MTMR14: variants seen among roughly 807,000 people sequenced by gnomAD.
MTMR14 encodes the protein myotubularin related protein 14, also known as phosphatidylinositol-3,5-bisphosphate 3-phosphatase MTMR14.
MTMR14 carries 48 observed loss-of-function variants against 86.3 expected under a neutral mutation model. The observed-to-expected ratio is 0.56, with a 90% CI of 0.44 to 0.71. MTMR14 has a LOEUF of 0.71. MTMR14 is among the 30% of genes least tolerant of loss of function. The probability of loss-of-function intolerance (pLI) is 0.00; values close to 1 mark genes in which losing one functional copy is unlikely to be tolerated. For synonymous variants in MTMR14, 366 were observed against 326.1 expected, an observed-to-expected ratio of 1.12 and a Z score of -1.32; for missense variants, 780 against 834.6, an observed-to-expected ratio of 0.93 and a Z score of 0.81.
intron 9 of MTMR14, among the ~76,000 whole-genome samples, chr3:9,678,415 G>A (rs2075653474): frequency 6.6e-6 from 1 of 152,168 alleles, no homozygotes; most frequent in Admixed American, 6.5e-5. Context: ...GAAGTACAGA[G>A]CTGCCTGACC....
chr3:9,681,754 T>G (rs2075775745), intron 9 of MTMR14, among the ~76,000 whole-genome samples: 1 of 152,220 alleles, frequency 6.6e-6, no homozygotes, highest in Non-Finnish European at 1.5e-5. Context: ...TTCTGCTTCT[T>G]ACTCTGGTGT....
At chr3:9,657,098 A>G (rs1027797808) in intron 2 of MTMR14, among the ~76,000 whole-genome samples, 13 of 151,882 alleles carry the variant, frequency 8.6e-5, no homozygotes, top group African/African-American at 1.9e-4. Flanking sequence ...AATTTTTAGT[A>G]GAGACCAGGT....
chr3:9,671,209 T>C (rs774146862), intron 6 of MTMR14, 39 bp downstream of exon 6: 30 of 1,613,810 alleles, frequency 1.9e-5, no homozygotes, highest in Non-Finnish European at 2.5e-5. Flanking sequence ...GCAGAGGCAG[T>C]GTGTACAGAT....
chr3:9,683,797 C>T (rs1437109399), intron 10 of MTMR14: 1 of 157,022 alleles, frequency 6.4e-6, no homozygotes, highest in Non-Finnish European at 1.4e-5. Context: ...CAAGAAGGCC[C>T]AAGAACAGAG....
At chr3:9,696,704 C>T (rs1442721475) in intron 17 of MTMR14, among the ~76,000 whole-genome samples, 1 of 152,220 alleles carries the variant, frequency 6.6e-6, no homozygotes, top group Non-Finnish European at 1.5e-5. Context: ...GAGCCCTTGA[C>T]ATCAGCCAGC....
chr3:9,650,725 T>G (rs1382261535), intron 1 of MTMR14, among the ~76,000 whole-genome samples: 1 of 152,126 alleles, frequency 6.6e-6, no homozygotes, highest in East Asian at 1.9e-4. Context: ...AAACAGAGAT[T>G]CCTTAGTCCC....
chr3:9,691,525 C>T (rs536272460), intron 17 of MTMR14, among the ~76,000 whole-genome samples: 1 of 152,194 alleles, frequency 6.6e-6, no homozygotes, highest in South Asian at 2.1e-4. Context: ...AGGGAGGAAA[C>T]CAGAGGTTCC....
chr3:9,673,093 G>C (rs2048661881), intron 7 of MTMR14, among the ~76,000 whole-genome samples: 1 of 152,234 alleles, frequency 6.6e-6, no homozygotes, highest in South Asian at 2.1e-4. Context: ...AAAGTGGTCT[G>C]TGCATGAAAA....
chr3:9,689,795 A>G (rs574024313), intron 16 of MTMR14, among the ~76,000 whole-genome samples, 169 bp from the exon 17 acceptor site: 1 of 152,222 alleles, frequency 6.6e-6, no homozygotes, highest in Non-Finnish European at 1.5e-5. Flanking sequence ...CTCCATAAAG[A>G]CCCAGCCCTG....
Position 9,662,631 on chromosome 3 carries a change from AT to A in MTMR14, c.417+259del, listed in dbSNP as rs544958279. ...TGCCTAGGTTCAGATCCTGACTCTT[AT>A]TTCCTGCCTATGCAGAGCCTCCTTT... On this transcript the variant is annotated intron_variant, in intron 3 of 18. Transcript: ENST00000296003. Among the ~76,000 whole-genome samples the A allele has an allele frequency of 2.0e-3, 304 of 152,234 alleles. 2 individuals carry two copies. The highest frequency in any genetic ancestry group is 3.4e-3 in the Middle Eastern group (1 of 294).
At chr3:9,649,863 G>T in intron 1 of MTMR14, 121 bp downstream of exon 1, 1 of 1,545,292 alleles carries the variant, frequency 6.5e-7, no homozygotes, top group Non-Finnish European at 8.7e-7. Flanking sequence ...GAAGAGGAGA[G>T]AGAGAGAGGA....
intron 13 of MTMR14, 66 bp from the exon 14 acceptor site, chr3:9,687,755 G>T (rs967213689): frequency 7.1e-7 from 1 of 1,408,968 alleles, no homozygotes; most frequent in Admixed American, 2.0e-5. Context: ...GTGGCTGGCC[G>T]CCCTCCCCTG....
chr3:9,684,699 CTGCTCTT>C, intron 11 of MTMR14, 29 bp downstream of exon 11: 1 of 1,612,316 alleles, frequency 6.2e-7, no homozygotes, highest in Non-Finnish European at 8.5e-7. Flanking sequence ...CTACCAAGCT[CTGCTCTT>C]TGGGTGTGTT....
chr3:9,688,702 G>T lies in MTMR14; in HGVS notation c.1242G>T (p.Lys414Asn), dbSNP rs752860539. 2 of 1,614,198 alleles carry T rather than the reference G, an allele frequency of 1.2e-6. No homozygotes were observed. Among genetic ancestry groups the T allele is most frequent in the Admixed American group, 1.7e-5 (1 of 60,034 alleles). ...EFSALKTQRR[K>N]SLPARDGGFT... The stretch of plus-strand genomic sequence containing the variant: ...CTCCGGCTTCCATTTCTAGGAGGAA[G>T]AGTTTGCCAGCCCGGGATGGAGGCT... The change falls in exon 15 of 19, where the codon AAG becomes AAT. Residue 414 changes from lysine (K) to asparagine (N), a missense_variant. Coordinates refer to ENST00000296003, the MANE Select transcript of MTMR14 (RefSeq NM_001077525.3).
chr3:9,688,568 G>C (rs1267255630), intron 14 of MTMR14, 128 bp from the exon 15 acceptor site: 1 of 1,040,856 alleles, frequency 9.6e-7, no homozygotes, highest in Non-Finnish European at 1.5e-6. Context: ...ACACTCCCTA[G>C]GCTAGGACCC....
intron 17 of MTMR14, among the ~76,000 whole-genome samples, chr3:9,695,610 T>C (rs938449905): frequency 6.6e-6 from 1 of 152,196 alleles, no homozygotes; most frequent in African/African-American, 2.4e-5. Context: ...CTCCATCCCA[T>C]TGGTCATGTT....
chr3:9,680,432 C>A (rs1420225601), intron 9 of MTMR14, among the ~76,000 whole-genome samples: 1 of 152,192 alleles, frequency 6.6e-6, no homozygotes, highest in East Asian at 1.9e-4. Context: ...CACTGTCACC[C>A]CTGCCTTAAA....
intron 17 of MTMR14, 143 bp from the exon 18 acceptor site, chr3:9,697,568 C>G: frequency 1.2e-6 from 1 of 801,804 alleles, no homozygotes; most frequent in East Asian, 3.2e-5. Context: ...ACTTGTCCAG[C>G]TTTTTTTTTT....
intron 17 of MTMR14, among the ~76,000 whole-genome samples, chr3:9,690,770 A>G (rs527731419): frequency 6.0e-4 from 92 of 152,212 alleles, no homozygotes; most frequent in Non-Finnish European, 5.9e-4. Context: ...TCATACTCCC[A>G]TCGAAAGAAT....
Sources: allele counts gnomAD v4.1 joint callset (sites outside exome capture counted in the v4.1 genomes callset), GRCh38; gene constraint gnomAD v4.1.1; transcripts MANE v1.5; gene names NCBI Gene and HGNC (gene_info 2026-07-23, HGNC 2026-07-21).